Variants in CSMD1 observed in about 807,000 individuals in gnomAD.
The protein encoded by CSMD1 is CUB and Sushi multiple domains 1.
In CSMD1, 213 loss-of-function variants were observed where a neutral mutation model predicts 417.5. That is an observed-to-expected ratio of 0.51 (90% CI 0.46 to 0.57). CSMD1 has a LOEUF of 0.57. Ranked by LOEUF, CSMD1 falls within the 20% of genes least tolerant of loss-of-function variation. The pLI, the probability that CSMD1 is intolerant of heterozygous loss-of-function variation, is 0.00. For missense variants in CSMD1, 6,923 were observed against 4,529.7 expected (o/e 1.53, Z -15.17); for synonymous variants, 2,862 against 1,736.8 (o/e 1.65, Z -16.11).
intron 1 of CSMD1, among the ~76,000 whole-genome samples, chr8:4,927,977 T>G (rs991891661): frequency 6.6e-6 from 1 of 152,134 alleles, no homozygotes; most frequent in African/African-American, 2.4e-5. Context: ...CAGACCCAAG[T>G]CTGTGTAAAG....
chr8:3,151,552 C>G (rs1185933055), intron 39 of CSMD1, 39 bp from the exon 40 acceptor site: 2 of 1,328,168 alleles, frequency 1.5e-6, no homozygotes. Flanking sequence ...CAGGTCCTCA[C>G]TTTCTCCCTG....
At chr8:4,445,264 T>C (rs1251373053) in intron 2 of CSMD1, among the ~76,000 whole-genome samples, 14 of 152,222 alleles carry the variant, frequency 9.2e-5, no homozygotes, top group Admixed American at 9.2e-4. Context: ...TAGCCATATG[T>C]TCTCTGTCAT....
At chr8:4,156,984 A>G (rs1584926293) in intron 3 of CSMD1, among the ~76,000 whole-genome samples, 2 of 152,234 alleles carry the variant, frequency 1.3e-5, no homozygotes, top group Admixed American at 6.5e-5. Context: ...TGATGCATAC[A>G]TCCCAGATGA....
At chr8:4,834,527 G>C (rs533136833) in intron 1 of CSMD1, among the ~76,000 whole-genome samples, 79 of 152,236 alleles carry the variant, frequency 5.2e-4, no homozygotes, top group African/African-American at 1.9e-3. Flanking sequence ...ATGAAGATAA[G>C]GGTGAGCTTT....
At chr8:3,680,353 A>G (rs1381793017) in intron 7 of CSMD1, among the ~76,000 whole-genome samples, 3 of 152,218 alleles carry the variant, frequency 2.0e-5, no homozygotes, top group South Asian at 2.1e-4. Context: ...GACAAAGGGT[A>G]TATCACCACT....
At chr8:3,606,504 G>C (rs1801621826) in intron 8 of CSMD1, among the ~76,000 whole-genome samples, 1 of 71,852 alleles carries the variant, frequency 1.4e-5, no homozygotes, top group African/African-American at 4.3e-5. Context: ...ATTCATATAG[G>C]GTACTCCCTA....
intron 68 of CSMD1, among the ~76,000 whole-genome samples, chr8:2,944,842 A>G (rs1336921391): frequency 1.6e-5 from 1 of 61,378 alleles, no homozygotes; most frequent in Admixed American, 2.2e-4. Flanking sequence ...CATTAACCAC[A>G]GTTACTTTTT....
intron 11 of CSMD1, among the ~76,000 whole-genome samples, chr8:3,490,628 C>G (rs1291092823): frequency 6.6e-6 from 1 of 151,958 alleles, no homozygotes; most frequent in Admixed American, 6.6e-5. Flanking sequence ...TATTTTATAG[C>G]CAGGAAAAGA....
At chr8:4,747,047 A>T (rs1299567442) in intron 1 of CSMD1, among the ~76,000 whole-genome samples, 1 of 152,112 alleles carries the variant, frequency 6.6e-6, no homozygotes, top group Non-Finnish European at 1.5e-5. Context: ...GGGCCTCCCC[A>T]CCAGAATGGA....
intron 3 of CSMD1, among the ~76,000 whole-genome samples, chr8:4,119,066 G>T (rs183806880): frequency 6.6e-6 from 1 of 152,004 alleles, no homozygotes; most frequent in African/African-American, 2.4e-5. Flanking sequence ...ACAGGGAGGG[G>T]AACATCACAC....
chr8:3,975,511 C>T (rs1015740389), intron 5 of CSMD1, among the ~76,000 whole-genome samples: 4 of 152,190 alleles, frequency 2.6e-5, no homozygotes, highest in African/African-American at 9.7e-5. Flanking sequence ...ACAGAAACTT[C>T]ATCCACAGGT....
intron 7 of CSMD1, among the ~76,000 whole-genome samples, chr8:3,622,012 TG>T (rs1796274605): frequency 2.0e-5 from 3 of 151,680 alleles, no homozygotes; most frequent in African/African-American, 7.3e-5. Context: ...TGTGTGTGTG[TG>T]TGTGTTTGAA....
At chr8:4,327,389 T>C (rs775683359) in intron 3 of CSMD1, among the ~76,000 whole-genome samples, 34 of 152,300 alleles carry the variant, frequency 2.2e-4, no homozygotes, top group Middle Eastern at 6.8e-3. Context: ...GAGACTCTGC[T>C]AATGTATTTC....
intron 3 of CSMD1, among the ~76,000 whole-genome samples, chr8:4,068,517 T>A (rs1250590056): frequency 6.6e-6 from 1 of 152,208 alleles, no homozygotes; most frequent in African/African-American, 2.4e-5. Context: ...GTTTAGTTTT[T>A]ACGACACAAA....
rs375564189 is a variant in CSMD1, at chr8:4,031,889, C to G, written c.610+16G>C. 2.8e-5 allele frequency: 44 copies of G among 1,597,152 alleles called. No homozygotes were observed. The highest frequency in any genetic ancestry group is 4.5e-5 in the East Asian group (2 of 44,490). On this transcript the variant is annotated intron_variant, in intron 4 of 69. Coordinates refer to ENST00000635120, the MANE Select transcript of CSMD1 (RefSeq NM_033225.6). ...TGCCCTGGAGTCTGCTCACCAGCCC[C>G]CTTGTAGCACTGTACCTCTGCAAAA...
At chr8:4,213,768 T>C (rs1800465087) in intron 3 of CSMD1, among the ~76,000 whole-genome samples, 1 of 152,162 alleles carries the variant, frequency 6.6e-6, no homozygotes, top group South Asian at 2.1e-4. Flanking sequence ...TGGGGTTCCC[T>C]GCCAGCTGTG....
At chr8:3,975,252 A>G (rs1451835122) in intron 5 of CSMD1, among the ~76,000 whole-genome samples, 2 of 152,264 alleles carry the variant, frequency 1.3e-5, no homozygotes, top group East Asian at 3.9e-4. Context: ...TTCGTTATTT[A>G]TCAGTATGAG....
chr8:4,355,195 G>C (rs934112662), intron 3 of CSMD1, among the ~76,000 whole-genome samples: 5 of 152,040 alleles, frequency 3.3e-5, no homozygotes, highest in East Asian at 1.9e-4. Flanking sequence ...CTGGGAGGCG[G>C]AGCTTGCAAT....
At chr8:4,921,012 AAAAGAAAG>A (rs138072654) in intron 1 of CSMD1, among the ~76,000 whole-genome samples, 2 of 9,970 alleles carry the variant, frequency 2.0e-4, no homozygotes, top group African/African-American at 8.2e-4. Context: ...AGAAAGAAAG[AAAAGAAAG>A]AAAGGAAGAA....
Sources: gnomAD v4.1 joint callset for allele counts (sites outside exome capture counted in the v4.1 genomes callset) on GRCh38, gnomAD v4.1.1 for gene constraint, MANE v1.5 for transcripts, NCBI Gene and HGNC (gene_info 2026-07-23, HGNC 2026-07-21) for gene names.